SHROOM4: variants seen among roughly 807,000 people sequenced by gnomAD.
SHROOM4 encodes shroom family member 4, also known as protein Shroom4.
SHROOM4 carries 17 observed loss-of-function variants against 80.3 expected under a neutral mutation model. The ratio of observed to expected loss-of-function variants is 0.21; its 90% confidence interval spans 0.14 to 0.32. SHROOM4 has a LOEUF of 0.32. SHROOM4 is among the 10% of genes least tolerant of loss of function. The probability of loss-of-function intolerance (pLI) is 1.00; values close to 1 mark genes in which losing one functional copy is unlikely to be tolerated. For missense variants in SHROOM4, 993 were observed against 1,140.3 expected (o/e 0.87, Z 1.86); for synonymous variants, 400 against 437.5 (o/e 0.91, Z 1.07).
chrX:50,806,518 C>T (rs782695199), intron 1 of SHROOM4, among the ~76,000 whole-genome samples: 34 of 112,198 alleles, frequency 3.0e-4, no homozygotes, highest in Non-Finnish European at 5.4e-4. Flanking sequence ...TCTACCCCTT[C>T]CCAGTCCTTG....
At chrX:50,726,755 C>A (rs998327650) in intron 1 of SHROOM4, among the ~76,000 whole-genome samples, 3 of 113,017 alleles carry the variant, frequency 2.7e-5, no homozygotes, top group African/African-American at 9.6e-5. Context: ...GCCTGGATGT[C>A]CAGGCAGAAT....
intron 2 of SHROOM4, among the ~76,000 whole-genome samples, chrX:50,693,799 A>G (rs1933289804): frequency 9.1e-6 from 1 of 110,311 alleles, no homozygotes; most frequent in Non-Finnish European, 1.9e-5. Flanking sequence ...TAGTTACCCT[A>G]CCAAACTATT....
At chrX:50,662,488 G>A (rs1932542468) in intron 2 of SHROOM4, among the ~76,000 whole-genome samples, 1 of 108,252 alleles carries the variant, frequency 9.2e-6, no homozygotes, top group Non-Finnish European at 1.9e-5. Flanking sequence ...GTGACAGTGT[G>A]AGACTCCATC....
intron 5 of SHROOM4, among the ~76,000 whole-genome samples, chrX:50,622,433 A>C (rs1209464408): frequency 6.2e-5 from 7 of 112,232 alleles, no homozygotes; most frequent in African/African-American, 2.3e-4. Flanking sequence ...TATCACAGTA[A>C]TGTAGCTTTT....
intron 1 of SHROOM4, among the ~76,000 whole-genome samples, chrX:50,703,389 G>A (rs181461936): frequency 1.8e-5 from 2 of 110,920 alleles, no homozygotes; most frequent in East Asian, 5.7e-4. Context: ...TCTTTCTTAC[G>A]GTCCCCAGAG....
chrX:50,781,632 G>T (rs1168011510), intron 1 of SHROOM4, among the ~76,000 whole-genome samples: 1 of 110,695 alleles, frequency 9.0e-6, no homozygotes, highest in African/African-American at 3.3e-5. Context: ...CAAGGAAAGA[G>T]ATATGAAAGT....
Position 50,634,162 on chromosome X carries a change from T to C in SHROOM4, c.1911A>G (p.Thr637=), listed in dbSNP as rs201895770. The change falls in exon 4 of 9, where the codon ACA becomes ACG. Residue 637 remains threonine, a synonymous_variant. Coordinates refer to ENST00000376020, the MANE Select transcript of SHROOM4 (RefSeq NM_020717.5). ...PESPPLTASN[T]SLLSSCKKPP... ...GTTTTTTACATGAAGATAGAAGAGA[T>C]GTGTTAGAGGCAGTGAGTGGAGGAC... The C allele has an allele frequency of 1.3e-5, 16 of 1,209,623 alleles. No homozygotes were observed. In the Admixed American group the frequency reaches 1.5e-4, roughly 12 times the overall value.
Position 50,594,770 on chromosome X carries a change from C to G in SHROOM4, c.*1925G>C, listed in dbSNP as rs1215835825. On this transcript the variant is annotated 3_prime_UTR_variant, in exon 9 of 9. Coordinates refer to ENST00000376020, the MANE Select transcript of SHROOM4 (RefSeq NM_020717.5). ...TGGCTGGCTTGTGTAAGCCTAGCCC[C>G]TGCAAGCCACCAGCCTTCCTGAATA... 2 of 111,601 alleles carry G rather than the reference C, an allele frequency of 1.8e-5. No homozygotes were observed. Among genetic ancestry groups the G allele is most frequent in the East Asian group, 2.8e-4 (1 of 3,548 alleles). 9.2% of individuals were successfully genotyped at this position (111,601 alleles called of 1,213,427 possible).
At chrX:50,665,645 A>G (rs1557260293) in intron 2 of SHROOM4, among the ~76,000 whole-genome samples, 1 of 109,926 alleles carries the variant, frequency 9.1e-6, no homozygotes, top group Non-Finnish European at 1.9e-5. Context: ...GACAGTGGAC[A>G]TGTCAGTTAC....
chrX:50,739,401 A>G (rs1204115929), intron 1 of SHROOM4, among the ~76,000 whole-genome samples: 2 of 111,614 alleles, frequency 1.8e-5, no homozygotes, highest in African/African-American at 6.5e-5. Context: ...GGCAGCCTAC[A>G]GAATGGGAGA....
At chrX:50,793,040 A>G (rs1372123531) in intron 1 of SHROOM4, among the ~76,000 whole-genome samples, 7 of 108,427 alleles carry the variant, frequency 6.5e-5, no homozygotes, top group African/African-American at 2.4e-4. Flanking sequence ...ACCAAGATGT[A>G]GAATCAACCT....
At chrX:50,628,976 G>A (rs1557253624) in intron 4 of SHROOM4, among the ~76,000 whole-genome samples, 1 of 111,692 alleles carries the variant, frequency 9.0e-6, no homozygotes. Context: ...CTTGTGAGAC[G>A]TTCCTGCCTG....
intron 1 of SHROOM4, among the ~76,000 whole-genome samples, chrX:50,747,330 G>A (rs1418325706): frequency 1.8e-5 from 2 of 111,594 alleles, no homozygotes; most frequent in Admixed American, 1.9e-4. Flanking sequence ...TCTGTCAGAC[G>A]AATTAAAAGT....
At chrX:50,586,381 G>A (rs781806324), downstream of SHROOM4, among the ~76,000 whole-genome samples, 1 of 111,846 alleles carries the variant, frequency 8.9e-6, no homozygotes, top group South Asian at 3.8e-4. Context: ...TCAACACCCA[G>A]GGAGGTGAGT....
Position 50,589,736 on chromosome X carries a change from C to T in SHROOM4, c.*6959G>A, listed in dbSNP as rs191153346. On this transcript the variant is annotated 3_prime_UTR_variant, in exon 9 of 9. Transcript: ENST00000376020. Reference sequence around the variant, plus strand: ...CTATTATGAGTAATGCCACTTTAAACATTCATGTTCACGCTTTTGTTTGAA... The same window carrying T: ...CTATTATGAGTAATGCCACTTTAAATATTCATGTTCACGCTTTTGTTTGAA... 8.9e-6 allele frequency among the ~76,000 whole-genome samples: 1 copy of T among 112,073 alleles called. No homozygotes were observed. The highest frequency in any genetic ancestry group is 2.8e-4 in the East Asian group (1 of 3,566).
intron 1 of SHROOM4, among the ~76,000 whole-genome samples, chrX:50,810,446 T>C (rs1255858231): frequency 9.0e-6 from 1 of 111,725 alleles, no homozygotes; most frequent in Non-Finnish European, 1.9e-5. Flanking sequence ...ACACCATCCC[T>C]GATGCAAACC....
At chrX:50,749,465 T>C (rs1179156642) in intron 1 of SHROOM4, among the ~76,000 whole-genome samples, 3 of 111,624 alleles carry the variant, frequency 2.7e-5, no homozygotes, top group African/African-American at 3.3e-5. Context: ...AGTTTAGTAG[T>C]AGAGAGATAT....
intron 2 of SHROOM4, among the ~76,000 whole-genome samples, chrX:50,663,966 T>G (rs1279750447): frequency 8.9e-6 from 1 of 112,329 alleles, no homozygotes; most frequent in Admixed American, 9.4e-5. Flanking sequence ...AATGAAATTG[T>G]ATCATGAGAC....
chrX:50,626,429 T>C (rs1930805820), intron 5 of SHROOM4, among the ~76,000 whole-genome samples: 1 of 112,066 alleles, frequency 8.9e-6, no homozygotes, highest in African/African-American at 3.2e-5. Flanking sequence ...TCCTAGCTTA[T>C]CCCTTTACTA....
Sources: gnomAD v4.1 joint callset for allele counts (sites outside exome capture counted in the v4.1 genomes callset) on GRCh38, gnomAD v4.1.1 for gene constraint, MANE v1.5 for transcripts, NCBI Gene and HGNC (gene_info 2026-07-23, HGNC 2026-07-21) for gene names.